The following ZNF131 variants were observed in gnomAD, a reference collection of about 807,000 sequenced individuals.
ZNF131 encodes zinc finger and BTB domain containing 35, also known as zinc finger protein 131.
ZNF131 carries 7 observed loss-of-function variants against 60.0 expected under a neutral mutation model. The ratio of observed to expected loss-of-function variants is 0.12; its 90% CI spans 0.07 to 0.22. The LOEUF (loss-of-function observed/expected upper bound fraction) is 0.22. Ranked by LOEUF, ZNF131 falls within the 10% of genes least tolerant of loss-of-function variation. The pLI, the probability that ZNF131 is intolerant of heterozygous loss-of-function variation, is 1.00. For missense variants in ZNF131, 493 were observed against 740.9 expected (o/e 0.67, Z 3.88); for synonymous variants, 257 against 253.2 (o/e 1.01, Z -0.14).
intron 5 of ZNF131, 84 bp downstream of exon 5, chr5:43,162,015 T>C (rs1749746584): frequency 7.6e-7 from 1 of 1,319,678 alleles, no homozygotes; most frequent in South Asian, 1.6e-5. Context: ...AAAAAAATAG[T>C]GCCTCAGAAG....
At chr5:43,139,099 C>G (rs886745354) in intron 3 of ZNF131, 66 bp from the exon 4 acceptor site, 2 of 1,305,762 alleles carry the variant, frequency 1.5e-6, no homozygotes, top group Non-Finnish European at 2.0e-6. Flanking sequence ...GCTTTTCTTT[C>G]TTTACTAAAC....
intron 4 of ZNF131, among the ~76,000 whole-genome samples, chr5:43,155,122 G>C (rs958060247): frequency 6.6e-6 from 1 of 152,086 alleles, no homozygotes; most frequent in Non-Finnish European, 1.5e-5. Flanking sequence ...TTAATTAAGG[G>C]CTCCATTAAT....
At chr5:43,167,801 G>A in intron 5 of ZNF131, 1 of 329,274 alleles carries the variant, frequency 3.0e-6, no homozygotes, top group Non-Finnish European at 6.0e-6. Flanking sequence ...GCAGAATCCT[G>A]TGGGAATGCC....
intron 4 of ZNF131, among the ~76,000 whole-genome samples, chr5:43,146,751 C>G (rs972056216): frequency 1.3e-5 from 2 of 151,978 alleles, no homozygotes; most frequent in Admixed American, 6.6e-5. Context: ...ACTGAAAATA[C>G]AAAAATTAGC....
chr5:43,153,463 T>TAAAAAAAAAA (rs35596507), intron 4 of ZNF131, among the ~76,000 whole-genome samples: 3 of 61,164 alleles, frequency 4.9e-5, no homozygotes, highest in African/African-American at 2.2e-4. Context: ...CCATCTCTAC[T>TAAAAAAAAAA]AAAAAAAAAA....
chr5:43,139,331 G>A (rs1257209030), intron 4 of ZNF131, 22 bp downstream of exon 4: 2 of 1,588,412 alleles, frequency 1.3e-6, no homozygotes, highest in Non-Finnish European at 1.7e-6. Flanking sequence ...CTTTAATGGG[G>A]TTCAGATAGT....
intron 5 of ZNF131, among the ~76,000 whole-genome samples, chr5:43,168,391 T>A (rs1327379094): frequency 6.6e-6 from 1 of 152,282 alleles, no homozygotes. Flanking sequence ...ACAAATTGTT[T>A]GGATCACTGT....
In ZNF131 at chr5:43,128,708, A is replaced by G. The variant is rs1670799; in HGVS notation, c.226+5398A>G. The stretch of plus-strand genomic sequence containing the variant: ...CTGGGGTGCTCATAATAAAAAAAAC[A>G]AAAACCCAGATATTTATCCCAGTTT... On this transcript the variant is annotated intron_variant, in intron 3 of 6. Transcript: ENST00000682664. Among the ~76,000 whole-genome samples the G allele has an allele frequency of 3.0e-3, 457 of 151,718 alleles. 2 individuals carry two copies. Among genetic ancestry groups the G allele is most frequent in the Non-Finnish European group, 5.4e-3 (366 of 67,916 alleles).
intron 4 of ZNF131, among the ~76,000 whole-genome samples, chr5:43,147,676 C>G (rs191852861): frequency 6.6e-6 from 1 of 150,956 alleles, no homozygotes; most frequent in Non-Finnish European, 1.5e-5. Context: ...CTGCCTCGGC[C>G]TCCCAAAGTG....
rs1579793564 is a variant in ZNF131, at chr5:43,144,236, TC to T, written c.371+4928del. Among the ~76,000 whole-genome samples, 11 of 109,862 alleles carry T rather than the reference TC, an allele frequency of 1.0e-4. No homozygotes were observed. In the East Asian group the frequency reaches 2.4e-3, roughly 24 times the overall value. 72.1% of individuals were successfully genotyped at this position (109,862 alleles called of 152,430 possible). A position where few individuals can be genotyped will look rare whatever the true frequency, so the allele number is the denominator to read the frequency against. ...GGCGCCTGGCCTTTTTTTCTTTCTT[TC>T]TTTTTTTTTTTTTTTTTTTTTTTTT... On this transcript the variant is annotated intron_variant, in intron 4 of 6. Transcript: ENST00000682664.
intron 3 of ZNF131, among the ~76,000 whole-genome samples, chr5:43,126,615 C>T (rs992296230): frequency 2.0e-5 from 3 of 152,058 alleles, no homozygotes; most frequent in African/African-American, 7.2e-5. Context: ...GCTTTTCATA[C>T]GTTTTCTGTA....
chr5:43,175,155 TA>T lies in ZNF131; in HGVS notation c.*25del. Reference sequence around the variant, plus strand: ...ATGAAATTACACATGAATATATTTTTAAATTTACTTGTTGGGTTTTTGAACT... The same window carrying T: ...ATGAAATTACACATGAATATATTTTTAATTTACTTGTTGGGTTTTTGAACT... On this transcript the variant is annotated 3_prime_UTR_variant, in exon 7 of 7. Transcript: ENST00000682664. 1 of 1,570,250 alleles carries T rather than the reference TA, an allele frequency of 6.4e-7. No homozygotes were observed. Among genetic ancestry groups the T allele is most frequent in the South Asian group, 1.2e-5 (1 of 84,152 alleles).
rs1266872215 is a variant in ZNF131, at chr5:43,122,123, T to C, written c.70T>C (p.Leu24=). The change falls in exon 2 of 7, where the codon TTG becomes CTG. Residue 24 remains leucine (L), a synonymous_variant. Coordinates refer to ENST00000682664, the MANE Select transcript of ZNF131 (RefSeq NM_001330707.2). ...ACATCATAAAATGATCCTCGACCGA[T>C]TGAATGAACAGCGAGAGCAGGACCG... The part of the protein sequence containing the change: ...PEHHKMILDR[L]NEQREQDRFT... The C allele has an allele frequency of 6.2e-7, 1 of 1,614,102 alleles. No individual in the cohort carries two copies. Among genetic ancestry groups the C allele is most frequent in the Non-Finnish European group, 8.5e-7 (1 of 1,180,020 alleles).
In ZNF131 at chr5:43,175,046, T is replaced by G. The variant is rs765384976; in HGVS notation, c.1785T>G (p.Ala595=). 2 of 1,614,120 alleles carry G rather than the reference T, an allele frequency of 1.2e-6. No homozygotes were observed. Among genetic ancestry groups the G allele is most frequent in the Non-Finnish European group, 1.7e-6 (2 of 1,180,026 alleles). The part of the protein sequence containing the change: ...AEAAREDHED[A]EDLETKPTVD... ...CTGCCAGGGAAGATCACGAAGATGCTGAGGATTTAGAGACCAAGCCAACAG... is the reference window on the plus strand; with the variant it reads ...CTGCCAGGGAAGATCACGAAGATGCGGAGGATTTAGAGACCAAGCCAACAG... The change falls in exon 7 of 7, where the codon GCT becomes GCG. Residue 595 remains alanine, a synonymous_variant. Coordinates refer to ENST00000682664, the MANE Select transcript of ZNF131 (RefSeq NM_001330707.2).
At chr5:43,148,232 A>G (rs1003858541) in intron 4 of ZNF131, among the ~76,000 whole-genome samples, 1 of 151,626 alleles carries the variant, frequency 6.6e-6, no homozygotes, top group Non-Finnish European at 1.5e-5. Context: ...AATTTTAACT[A>G]GCTATGTGTG....
At position 43,121,253 on chromosome 5, in the gene ZNF131, C is replaced by T. The variant is rs147425846; in HGVS notation, c.-16+130C>T. 7.1e-3 allele frequency: 1,085 copies of T among 152,962 alleles called. 8 individuals are homozygous for T. Among genetic ancestry groups the T allele is most frequent in the Non-Finnish European group, 0.011 (746 of 68,552 alleles). 9.5% of individuals were successfully genotyped at this position (152,962 alleles called of 1,614,324 possible). A position where few individuals can be genotyped will look rare whatever the true frequency, so the allele number is the denominator to read the frequency against. Reference sequence around the variant, plus strand: ...CGGGCTCGGGTCGGGAAGTGTCCGCCCCTGGAGTCAAGCTGGGGAGGGTGA... The same window carrying T: ...CGGGCTCGGGTCGGGAAGTGTCCGCTCCTGGAGTCAAGCTGGGGAGGGTGA... On this transcript the variant is annotated intron_variant, in intron 1 of 6. Transcript: ENST00000682664.
At chr5:43,172,266 T>A (rs182846621) in intron 5 of ZNF131, among the ~76,000 whole-genome samples, 17 of 152,346 alleles carry the variant, frequency 1.1e-4, no homozygotes, top group African/African-American at 3.8e-4. Flanking sequence ...TGCCCTTGAT[T>A]TTTGTTATCA....
chr5:43,135,436 TA>T (rs1745951938), intron 3 of ZNF131, among the ~76,000 whole-genome samples: 1 of 152,030 alleles, frequency 6.6e-6, no homozygotes, highest in Non-Finnish European at 1.5e-5. Context: ...AGACATGCAA[TA>T]CTGAGAACCA....
chr5:43,175,788 GTTCT>G lies in ZNF131; in HGVS notation c.*659_*662del, dbSNP rs1267086750. 4.3e-6 allele frequency: 1 copy of G among 233,988 alleles called. No individual in the cohort carries two copies. Among genetic ancestry groups the G allele is most frequent in the Non-Finnish European group, 8.2e-6 (1 of 121,714 alleles). The allele number at this position is 233,988 out of a possible 1,614,324, so 14.5% of individuals were successfully genotyped here. On this transcript the variant is annotated 3_prime_UTR_variant, in exon 7 of 7. Coordinates refer to ENST00000682664, the MANE Select transcript of ZNF131 (RefSeq NM_001330707.2). ...ACTGAACTTCTATAAAGCATCTCTGGTTCTTTCAAAGTTTGTGTTGTAAGGAGCA... is the reference window on the plus strand; with the variant it reads ...ACTGAACTTCTATAAAGCATCTCTGGTTCAAAGTTTGTGTTGTAAGGAGCA...
Sources: allele counts gnomAD v4.1 joint callset (sites outside exome capture counted in the v4.1 genomes callset), GRCh38; gene constraint gnomAD v4.1.1; transcripts MANE v1.5; gene names NCBI Gene and HGNC (gene_info 2026-07-23, HGNC 2026-07-21).